Variants in EMCN observed in about 807,000 individuals in gnomAD.
EMCN encodes MUC-14.
EMCN carries 37 observed loss-of-function variants against 38.4 expected under a neutral mutation model. The ratio of observed to expected loss-of-function variants is 0.96; its 90% CI spans 0.74 to 1.27. The LOEUF is 1.27. Ranked by LOEUF, EMCN falls within the 50% of genes most tolerant of loss-of-function variation. EMCN has a pLI of 0.00. For synonymous variants in EMCN, 95 were observed against 100.8 expected, an observed-to-expected ratio of 0.94 and a Z score of 0.35; for missense variants, 318 against 302.8, an observed-to-expected ratio of 1.05 and a Z score of -0.37.
At chr4:100,448,810 T>TCCTC (rs1727752514) in intron 4 of EMCN, among the ~76,000 whole-genome samples, 1 of 140,986 alleles carries the variant, frequency 7.1e-6, no homozygotes, top group East Asian at 2.1e-4. Flanking sequence ...CTTCCTTCCT[T>TCCTC]CCTTCCTTCC....
At chr4:100,476,874 G>A (rs1317040952) in intron 2 of EMCN, among the ~76,000 whole-genome samples, 2 of 152,312 alleles carry the variant, frequency 1.3e-5, no homozygotes, top group East Asian at 3.9e-4. Context: ...ACAGGGAACA[G>A]AAAGACAATG....
chr4:100,451,980 C>T (rs1333768528), intron 4 of EMCN, among the ~76,000 whole-genome samples: 1 of 151,882 alleles, frequency 6.6e-6, no homozygotes, highest in Non-Finnish European at 1.5e-5. Context: ...AATTAAAAAC[C>T]ACACAGCACA....
chr4:100,448,513 G>C (rs1450362558), intron 4 of EMCN, among the ~76,000 whole-genome samples: 4 of 152,086 alleles, frequency 2.6e-5, no homozygotes, highest in Non-Finnish European at 1.5e-5. Flanking sequence ...GTCTTGAGTT[G>C]CCTATGTTTC....
intron 3 of EMCN, among the ~76,000 whole-genome samples, chr4:100,472,910 G>C (rs1027652708): frequency 6.7e-6 from 1 of 149,428 alleles, no homozygotes; most frequent in Non-Finnish European, 1.5e-5. Context: ...AATAAATGTG[G>C]TTATGTTTTA....
intron 1 of EMCN, among the ~76,000 whole-genome samples, chr4:100,490,928 A>AT (rs1281175754): frequency 6.6e-6 from 1 of 152,086 alleles, no homozygotes; most frequent in African/African-American, 2.4e-5. Flanking sequence ...GACATTGAGC[A>AT]TTTTTTCATA....
At chr4:100,403,212 C>T (rs1262412007) in intron 11 of EMCN, among the ~76,000 whole-genome samples, 1 of 152,088 alleles carries the variant, frequency 6.6e-6, no homozygotes, top group Non-Finnish European at 1.5e-5. Flanking sequence ...GGTAGTGTCT[C>T]AATACTCATT....
chr4:100,503,656 G>T (rs889667658), intron 1 of EMCN, among the ~76,000 whole-genome samples: 1 of 151,994 alleles, frequency 6.6e-6, no homozygotes, highest in East Asian at 1.9e-4. Context: ...ATGGTTCATT[G>T]CAGCCTTGAC....
In EMCN at chr4:100,491,021, T is replaced by C. The variant is rs1009777094; in HGVS notation, c.65-10982A>G. Reference sequence around the variant, plus strand: ...ATTTCCAGTTGGGAATTATTTTCTTTCTATAGAGTTGTTTGAGTTTCTTAT... The same window carrying C: ...ATTTCCAGTTGGGAATTATTTTCTTCCTATAGAGTTGTTTGAGTTTCTTAT... On this transcript the variant is annotated intron_variant, in intron 1 of 11. Coordinates refer to ENST00000296420, the MANE Select transcript of EMCN (RefSeq NM_016242.4). Among the ~76,000 whole-genome samples, 5 of 152,206 alleles carry C rather than the reference T, an allele frequency of 3.3e-5. No individual in the cohort carries two copies. The South Asian group carries it at 1.0e-3, about 32-fold the overall frequency.
chr4:100,493,480 G>A (rs934156478), intron 1 of EMCN, among the ~76,000 whole-genome samples: 1 of 151,958 alleles, frequency 6.6e-6, no homozygotes. Flanking sequence ...CTAGACCTTG[G>A]GCTACTGGGA....
intron 10 of EMCN, among the ~76,000 whole-genome samples, chr4:100,410,830 T>C (rs1187037172): frequency 2.6e-5 from 4 of 152,124 alleles, no homozygotes; most frequent in South Asian, 2.1e-4. Context: ...TTGGGTGATA[T>C]ACAGAGCAGC....
intron 4 of EMCN, among the ~76,000 whole-genome samples, chr4:100,457,963 G>A (rs772281796): frequency 6.6e-6 from 1 of 151,834 alleles, no homozygotes; most frequent in African/African-American, 2.4e-5. Context: ...CTAAAAATAC[G>A]AAAATTACCC....
At chr4:100,490,024 G>A (rs888168173) in intron 1 of EMCN, among the ~76,000 whole-genome samples, 9 of 152,176 alleles carry the variant, frequency 5.9e-5, no homozygotes, top group African/African-American at 2.2e-4. Context: ...TATTATAGGA[G>A]ATGATAGCTC....
intron 4 of EMCN, among the ~76,000 whole-genome samples, chr4:100,456,499 A>G (rs898099174): frequency 1.3e-5 from 2 of 152,158 alleles, no homozygotes; most frequent in African/African-American, 4.8e-5. Flanking sequence ...GGCTTTAATT[A>G]TATTGCCAGT....
chr4:100,498,128 T>C (rs1402480730), intron 1 of EMCN, among the ~76,000 whole-genome samples: 1 of 152,166 alleles, frequency 6.6e-6, no homozygotes, highest in African/African-American at 2.4e-5. Context: ...AAGATGTAAA[T>C]TGGATTCCAA....
In EMCN at chr4:100,410,330, G is replaced by T. The variant is rs1560603464; in HGVS notation, c.777C>A (p.Thr259=). Residue 259 remains threonine (T), a synonymous_variant, in exon 11 of 12, where the codon ACC becomes ACA. Coordinates refer to ENST00000296420, the MANE Select transcript of EMCN (RefSeq NM_016242.4). ...ESGEHSAQGK[T]KN is the part of the protein sequence containing the mutation. ...AGAATTCCTCAAGCTGTCAGTTCTT[G>T]GTTTTTCCTTGTGCAGAGTGCTCAC... 1.9e-6 allele frequency: 3 copies of T among 1,613,780 alleles called. No homozygotes were observed. Among genetic ancestry groups the T allele is most frequent in the Non-Finnish European group, 2.5e-6 (3 of 1,179,728 alleles).
chr4:100,473,190 T>G (rs922059839), intron 3 of EMCN, among the ~76,000 whole-genome samples: 1 of 149,826 alleles, frequency 6.7e-6, no homozygotes, highest in African/African-American at 2.4e-5. Context: ...AATTTTTGTA[T>G]TTTTAGTAGA....
intron 1 of EMCN, among the ~76,000 whole-genome samples, chr4:100,482,296 G>GGT (rs150646081): frequency 5.3e-5 from 8 of 151,314 alleles, no homozygotes; most frequent in South Asian, 2.1e-4. Flanking sequence ...CTTTGGTATA[G>GGT]GTGTGTGTGT....
intron 11 of EMCN, among the ~76,000 whole-genome samples, chr4:100,405,509 A>T (rs1726369057): frequency 6.6e-6 from 1 of 152,076 alleles, no homozygotes; most frequent in African/African-American, 2.4e-5. Context: ...CTGTTTATGT[A>T]ATGAATTGCA....
intron 1 of EMCN, among the ~76,000 whole-genome samples, chr4:100,489,863 G>A: frequency 6.6e-6 from 1 of 152,090 alleles, no homozygotes; most frequent in Non-Finnish European, 1.5e-5. Flanking sequence ...ACCTGCAGGT[G>A]TCCTAGAACC....
Sources: allele counts gnomAD v4.1 joint callset (sites outside exome capture counted in the v4.1 genomes callset), GRCh38; gene constraint gnomAD v4.1.1; transcripts MANE v1.5; gene names NCBI Gene and HGNC (gene_info 2026-07-23, HGNC 2026-07-21).